Variants in ADGRL2 observed in about 807,000 individuals in gnomAD.
The protein encoded by ADGRL2 is calcium-independent alpha-latrotoxin receptor 2.
A neutral mutation model predicts 157.4 loss-of-function variants in ADGRL2; 44 were observed. That is an observed-to-expected ratio of 0.28 (90% CI 0.22 to 0.36). ADGRL2 has a LOEUF of 0.36. Ranked by LOEUF, ADGRL2 falls within the 10% of genes least tolerant of loss-of-function variation. ADGRL2 has a pLI of 1.00. For missense variants in ADGRL2, 1,510 were observed against 1,768.9 expected (o/e 0.85, Z 2.63); for synonymous variants, 585 against 624.7 (o/e 0.94, Z 0.95).
At chr1:81,863,939 T>C (rs562603801) in intron 2 of ADGRL2, among the ~76,000 whole-genome samples, 7 of 152,144 alleles carry the variant, frequency 4.6e-5, no homozygotes, top group Non-Finnish European at 1.0e-4. Context: ...CAATTTTAAG[T>C]GTTTATTGGA....
intron 1 of ADGRL2, among the ~76,000 whole-genome samples, chr1:81,366,334 C>T (rs995128546): frequency 6.6e-6 from 1 of 151,612 alleles, no homozygotes; most frequent in Non-Finnish European, 1.5e-5. Flanking sequence ...GAGATATGTT[C>T]TTTTAAAAAG....
intron 2 of ADGRL2, among the ~76,000 whole-genome samples, chr1:81,497,298 T>C (rs1467228503): frequency 2.0e-5 from 3 of 152,238 alleles, no homozygotes; most frequent in African/African-American, 7.2e-5. Flanking sequence ...CGTATTGAAA[T>C]GCAAGAGGTT....
intron 2 of ADGRL2, among the ~76,000 whole-genome samples, chr1:81,467,591 T>C (rs899470616): frequency 5.9e-5 from 9 of 152,156 alleles, no homozygotes; most frequent in Non-Finnish European, 1.0e-4. Context: ...AAAATGGACT[T>C]AATAAACTCC....
At position 81,705,705 on chromosome 1, in the gene ADGRL2, C is replaced by A. The variant is rs187605869; in HGVS notation, c.-143+5897C>A. On this transcript the variant is annotated intron_variant, in intron 1 of 20. Transcript: ENST00000359929. ...GCTGCAATGGGAGGATCGCTTGAGG[C>A]CAGGAGTTTGAGACTGGCCTAGGCA... 1.0e-3 allele frequency among the ~76,000 whole-genome samples: 155 copies of A among 150,688 alleles called. 1 individual carries two copies. In the Middle Eastern group the frequency reaches 0.011, roughly 11 times the overall value.
At chr1:81,393,339 A>G (rs1159983613) in intron 1 of ADGRL2, among the ~76,000 whole-genome samples, 1 of 146,500 alleles carries the variant, frequency 6.8e-6, no homozygotes, top group Non-Finnish European at 1.5e-5. Context: ...ATAACACACA[A>G]AACTCCATGC....
At chr1:81,747,701 TTGTG>T (rs10556401) in intron 1 of ADGRL2, among the ~76,000 whole-genome samples, 5,038 of 147,212 alleles carry the variant, frequency 0.034, 202 homozygotes, top group African/African-American at 0.1. Context: ...CCTTTAATGT[TTGTG>T]TGTGTGTGTG....
chr1:81,800,842 G>A (rs984042034), upstream of ADGRL2, among the ~76,000 whole-genome samples: 9 of 149,472 alleles, frequency 6.0e-5, no homozygotes, highest in African/African-American at 2.2e-4. Flanking sequence ...AGAGCTCGGG[G>A]ACCTGGGGGT....
At chr1:81,787,039 T>C (rs1423785480) in intron 2 of ADGRL2, among the ~76,000 whole-genome samples, 1 of 151,592 alleles carries the variant, frequency 6.6e-6, no homozygotes, top group Non-Finnish European at 1.5e-5. Flanking sequence ...TCTCATGAGA[T>C]CTGATGGTTT....
At chr1:81,405,322 G>A (rs940844176) in intron 1 of ADGRL2, among the ~76,000 whole-genome samples, 2 of 152,140 alleles carry the variant, frequency 1.3e-5, no homozygotes, top group African/African-American at 4.8e-5. Flanking sequence ...TTTAGAATTG[G>A]ATGTACTGCC....
chr1:81,615,762 A>C (rs918440473), intron 3 of ADGRL2, among the ~76,000 whole-genome samples: 1 of 152,248 alleles, frequency 6.6e-6, no homozygotes, highest in East Asian at 1.9e-4. Flanking sequence ...AAATCAAAAA[A>C]TCAATAATGA....
Position 81,605,460 on chromosome 1 carries a change from C to T in ADGRL2, c.-143+24480C>T, listed in dbSNP as rs147707639. 6.0e-3 allele frequency among the ~76,000 whole-genome samples: 917 copies of T among 152,254 alleles called. 4 individuals carry two copies. The highest frequency in any genetic ancestry group is 0.031 in the South Asian group (151 of 4,820). On this transcript the variant is annotated intron_variant, in intron 3 of 24. Transcript: ENST00000370721. ...GAGAGCAAGAAATCTAACAGTCATACGAAAGACACTTAAAGGAAAAGGAAT... is the reference window on the plus strand; with the variant it reads ...GAGAGCAAGAAATCTAACAGTCATATGAAAGACACTTAAAGGAAAAGGAAT...
chr1:81,802,496 C>A (rs904229089), intron 1 of ADGRL2, among the ~76,000 whole-genome samples: 2 of 152,122 alleles, frequency 1.3e-5, no homozygotes, highest in African/African-American at 4.8e-5. Context: ...GCCATTGTAA[C>A]GCTCTCCAGG....
chr1:81,523,887 C>T (rs2079385193), intron 2 of ADGRL2, among the ~76,000 whole-genome samples: 1 of 151,672 alleles, frequency 6.6e-6, no homozygotes, highest in South Asian at 2.1e-4. Context: ...GATAGTGAAA[C>T]CTCGTCTCTA....
At chr1:81,613,741 T>A (rs2081588970) in intron 3 of ADGRL2, among the ~76,000 whole-genome samples, 1 of 152,194 alleles carries the variant, frequency 6.6e-6, no homozygotes, top group Non-Finnish European at 1.5e-5. Flanking sequence ...TCCAATGGTA[T>A]AAAAATAGCT....
chr1:81,585,218 T>A (rs528120412), intron 3 of ADGRL2, among the ~76,000 whole-genome samples: 1 of 152,268 alleles, frequency 6.6e-6, no homozygotes. Flanking sequence ...GCGGAGTTTT[T>A]ATTAAAGACA....
chr1:81,600,127 A>G (rs2081308565), intron 3 of ADGRL2, among the ~76,000 whole-genome samples: 1 of 152,218 alleles, frequency 6.6e-6, no homozygotes, highest in Admixed American at 6.5e-5. Flanking sequence ...TCAAAATCAG[A>G]CATGCTGGTG....
upstream of ADGRL2, among the ~76,000 whole-genome samples, chr1:81,695,664 T>G (rs1285318137): frequency 6.6e-6 from 1 of 151,950 alleles, no homozygotes. Context: ...CTACTAAAAG[T>G]GCAAAAATTA....
At chr1:81,597,517 A>G (rs1226627510) in intron 3 of ADGRL2, among the ~76,000 whole-genome samples, 1 of 152,230 alleles carries the variant, frequency 6.6e-6, no homozygotes, top group Non-Finnish European at 1.5e-5. Context: ...ATGTGTACGT[A>G]TATTATCTCA....
At chr1:81,402,903 C>A (rs1394226209) in intron 1 of ADGRL2, among the ~76,000 whole-genome samples, 1 of 152,210 alleles carries the variant, frequency 6.6e-6, no homozygotes, top group Admixed American at 6.5e-5. Flanking sequence ...TATCTCATTT[C>A]ATGCTGAACA....
Sources: gnomAD v4.1 joint callset for allele counts (sites outside exome capture counted in the v4.1 genomes callset) on GRCh38, gnomAD v4.1.1 for gene constraint, MANE v1.5 for transcripts, NCBI Gene and HGNC (gene_info 2026-07-23, HGNC 2026-07-21) for gene names.